The following RBFOX1 variants were observed in gnomAD, a reference collection of about 807,000 sequenced individuals.
The protein encoded by RBFOX1 is RNA binding protein fox-1 homolog 1.
Under a neutral mutation model 57.7 loss-of-function variants are expected in RBFOX1, and 8 were observed. The ratio of observed to expected loss-of-function variants is 0.14; its 90% CI spans 0.08 to 0.25. The LOEUF is 0.25. RBFOX1 is among the 10% of genes least tolerant of loss of function. The pLI, the probability that RBFOX1 is intolerant of heterozygous loss-of-function variation, is 1.00. For synonymous variants in RBFOX1, 326 were observed against 222.4 expected, an observed-to-expected ratio of 1.47 and a Z score of -4.15; for missense variants, 611 against 548.5, an observed-to-expected ratio of 1.11 and a Z score of -1.14.
chr16:7,631,013 G>T (rs2060858597), intron 11 of RBFOX1, among the ~76,000 whole-genome samples: 1 of 152,138 alleles, frequency 6.6e-6, no homozygotes, highest in Non-Finnish European at 1.5e-5. Flanking sequence ...AATTTAAATA[G>T]CATATACAGG....
chr16:7,364,201 C>G (rs769928038), intron 4 of RBFOX1, among the ~76,000 whole-genome samples: 13 of 152,192 alleles, frequency 8.5e-5, no homozygotes, highest in Non-Finnish European at 1.5e-4. Flanking sequence ...TCTGTTACAT[C>G]AGTACCTTGG....
intron 3 of RBFOX1, among the ~76,000 whole-genome samples, chr16:5,650,863 G>A (rs2049212559): frequency 6.6e-6 from 1 of 151,966 alleles, no homozygotes; most frequent in Admixed American, 6.6e-5. Context: ...CAGGAACGAA[G>A]CCAGTGAATG....
chr16:7,163,168 G>A (rs1435570923), intron 4 of RBFOX1, among the ~76,000 whole-genome samples: 1 of 151,720 alleles, frequency 6.6e-6, no homozygotes, highest in East Asian at 1.9e-4. Context: ...TTTTAATATT[G>A]GCCAACTGAG....
At chr16:6,384,510 A>G (rs1344730809) in intron 2 of RBFOX1, among the ~76,000 whole-genome samples, 1 of 152,132 alleles carries the variant, frequency 6.6e-6, no homozygotes, top group African/African-American at 2.4e-5. Flanking sequence ...TAAGTTGTAC[A>G]GGGCTTCTGA....
intron 3 of RBFOX1, among the ~76,000 whole-genome samples, chr16:5,779,728 G>A (rs1305641298): frequency 2.6e-5 from 4 of 152,110 alleles, no homozygotes; most frequent in African/African-American, 9.7e-5. Flanking sequence ...GGATTGTATT[G>A]CCCTGATATT....
chr16:7,626,300 G>C (rs1284020340), intron 10 of RBFOX1, among the ~76,000 whole-genome samples: 1 of 152,192 alleles, frequency 6.6e-6, no homozygotes, highest in Admixed American at 6.5e-5. Flanking sequence ...CAGGGGCCAG[G>C]AATGATCCCC....
At chr16:7,133,511 C>T (rs1024186873) in intron 4 of RBFOX1, among the ~76,000 whole-genome samples, 8 of 152,066 alleles carry the variant, frequency 5.3e-5, no homozygotes, top group Non-Finnish European at 7.4e-5. Flanking sequence ...TTGCAACCAA[C>T]AGAGAATCAA....
intron 1 of RBFOX1, among the ~76,000 whole-genome samples, chr16:5,263,610 A>G (rs1206925904): frequency 6.6e-6 from 1 of 152,112 alleles, no homozygotes; most frequent in East Asian, 1.9e-4. Context: ...GCAGGTCTCA[A>G]ATGAGGTGCA....
At chr16:5,280,331 G>A (rs1324774357) in intron 1 of RBFOX1, among the ~76,000 whole-genome samples, 1 of 152,122 alleles carries the variant, frequency 6.6e-6, no homozygotes, top group Non-Finnish European at 1.5e-5. Context: ...ATTAGATTCG[G>A]TTTAGTAGTA....
chr16:6,659,589 C>G (rs969252069), intron 3 of RBFOX1, among the ~76,000 whole-genome samples: 1 of 152,164 alleles, frequency 6.6e-6, no homozygotes, highest in Non-Finnish European at 1.5e-5. Flanking sequence ...CCTGAGATCA[C>G]TCAAGCATGA....
rs941872823 is a variant in RBFOX1 at position 7,311,541 on chromosome 16, C to T, written c.28-206606C>T. Among the ~76,000 whole-genome samples, 60 of 148,384 alleles carry T rather than the reference C, an allele frequency of 4.0e-4. 1 individual carries two copies. Among genetic ancestry groups the T allele is most frequent in the Admixed American group, 3.9e-3 (58 of 14,694 alleles). ...GGATTCGCCTCAATGACTAGATTCC[C>T]CTTATCAAAAACAGTAACAAACATC... On this transcript the variant is annotated intron_variant, in intron 4 of 15. Transcript: ENST00000550418.
intron 3 of RBFOX1, among the ~76,000 whole-genome samples, chr16:6,823,843 G>A (rs1212097436): frequency 6.6e-6 from 1 of 152,146 alleles, no homozygotes; most frequent in Non-Finnish European, 1.5e-5. Flanking sequence ...CAGAGAAATA[G>A]AGGGCTCTGT....
intron 3 of RBFOX1, among the ~76,000 whole-genome samples, chr16:5,745,502 C>G (rs528910756): frequency 1.4e-4 from 22 of 152,268 alleles, no homozygotes; most frequent in Non-Finnish European, 2.9e-4. Flanking sequence ...GTTCTAGATC[C>G]TTGAGGAATC....
intron 3 of RBFOX1, among the ~76,000 whole-genome samples, chr16:5,715,829 C>G (rs896838051): frequency 6.6e-6 from 1 of 152,132 alleles, no homozygotes; most frequent in African/African-American, 2.4e-5. Flanking sequence ...AAGCAAATAG[C>G]GAGAGAAGGG....
intron 5 of RBFOX1, among the ~76,000 whole-genome samples, chr16:7,546,326 C>G (rs1016088283): frequency 1.5e-5 from 2 of 133,268 alleles, no homozygotes; most frequent in African/African-American, 6.4e-5. Flanking sequence ...AACTCCACCT[C>G]AAAAAATAAA....
chr16:5,320,076 A>C (rs140326961), intron 1 of RBFOX1, among the ~76,000 whole-genome samples: 112 of 152,354 alleles, frequency 7.4e-4, no homozygotes, highest in Admixed American at 1.5e-3. Flanking sequence ...TTTGGCAAAC[A>C]CATGGCTGTG....
At chr16:6,863,969 C>G (rs1036926658) in intron 3 of RBFOX1, among the ~76,000 whole-genome samples, 2 of 147,434 alleles carry the variant, frequency 1.4e-5, no homozygotes, top group African/African-American at 5.0e-5. Context: ...ATCCTCACAA[C>G]TTCTTCTGTC....
intron 4 of RBFOX1, among the ~76,000 whole-genome samples, chr16:7,074,605 A>G (rs2057970026): frequency 6.6e-6 from 1 of 152,204 alleles, no homozygotes; most frequent in African/African-American, 2.4e-5. Context: ...TTAAATACAT[A>G]TAATTGGATT....
Position 5,492,369 on chromosome 16 carries a change from G to T in RBFOX1, c.258+25115G>T, listed in dbSNP as rs542097848. On this transcript the variant is annotated intron_variant, in intron 2 of 2. Coordinates refer to the RBFOX1 transcript ENST00000585867. ...CAGGTCCTGTGCTCCATGGTACCCAGCTTAGGTGTGCCTTCAGGGAGTTTG... is the reference window on the plus strand; with the variant it reads ...CAGGTCCTGTGCTCCATGGTACCCATCTTAGGTGTGCCTTCAGGGAGTTTG... 4.1e-4 allele frequency among the ~76,000 whole-genome samples: 62 copies of T among 152,300 alleles called. 1 individual carries two copies. The highest frequency in any genetic ancestry group is 1.5e-3 in the African/African-American group (62 of 41,564).
Sources: allele counts gnomAD v4.1 joint callset (sites outside exome capture counted in the v4.1 genomes callset), GRCh38; gene constraint gnomAD v4.1.1; transcripts MANE v1.5; gene names NCBI Gene and HGNC (gene_info 2026-07-23, HGNC 2026-07-21).